UBASH3A: variants seen among roughly 807,000 people sequenced by gnomAD.
UBASH3A encodes the protein ubiquitin-associated and SH3 domain-containing protein A.
Under a neutral mutation model 73.5 loss-of-function variants are expected in UBASH3A, and 63 were observed. That is an observed-to-expected ratio of 0.86 (90% CI 0.70 to 1.06). The LOEUF (loss-of-function observed/expected upper bound fraction) is 1.06, where lower values mean the gene tolerates loss of function less well. Ranked by LOEUF, UBASH3A falls within the 50% of genes least tolerant of loss-of-function variation. The probability of loss-of-function intolerance (pLI) is 0.00; values close to 1 mark genes in which losing one functional copy is unlikely to be tolerated. For synonymous variants in UBASH3A, 363 were observed against 351.1 expected (o/e 1.03, Z -0.38); for missense variants, 860 against 859.0 (o/e 1.00, Z -0.02).
intron 14 of UBASH3A, 144 bp from the exon 15 acceptor site, chr21:42,446,913 G>A: frequency 5.8e-6 from 5 of 859,740 alleles, no homozygotes; most frequent in Non-Finnish European, 8.9e-6. Flanking sequence ...GCAGATGTTG[G>A]TGCCATTCAA....
At chr21:42,421,800 T>C (rs2053343392) in intron 7 of UBASH3A, among the ~76,000 whole-genome samples, 1 of 152,176 alleles carries the variant, frequency 6.6e-6, no homozygotes, top group Non-Finnish European at 1.5e-5. Context: ...AAGAACGTAT[T>C]TTGAAGAGCT....
chr21:42,443,042 T>A (rs958445585), intron 12 of UBASH3A: 132 of 1,091,016 alleles, frequency 1.2e-4, no homozygotes, highest in Non-Finnish European at 1.5e-4. Flanking sequence ...TGGAGTTTAG[T>A]CAAGGAGAGA....
Position 42,446,375 on chromosome 21 carries a change from G to A in UBASH3A, c.1849-682G>A, listed in dbSNP as rs181549846. On this transcript the variant is annotated intron_variant, in intron 14 of 14. Coordinates refer to ENST00000319294, the MANE Select transcript of UBASH3A (RefSeq NM_018961.4). ...GACCCTCCCCGACCAGCCCATCACC[G>A]CCCCTCGCCCACAGCCTCTGCAAGC... 2.6e-3 allele frequency among the ~76,000 whole-genome samples: 401 copies of A among 152,244 alleles called. 12 individuals carry two copies. The highest frequency in any genetic ancestry group is 4.9e-4 in the Non-Finnish European group (33 of 68,012).
intron 10 of UBASH3A, among the ~76,000 whole-genome samples, chr21:42,436,793 T>C (rs946170281): frequency 6.6e-6 from 1 of 151,920 alleles, no homozygotes; most frequent in African/African-American, 2.4e-5. Flanking sequence ...AAAGGCAGAG[T>C]ACAGGCTTTT....
At chr21:42,426,936 C>G (rs538629550) in intron 8 of UBASH3A, 116 bp downstream of exon 8, 1 of 1,348,626 alleles carries the variant, frequency 7.4e-7, no homozygotes, top group South Asian at 1.4e-5. Context: ...ACACATCCTC[C>G]CTGCCCTAGA....
In UBASH3A at chr21:42,426,795, G is replaced by A. The variant is rs2053444119; in HGVS notation, c.1145G>A (p.Ser382Asn). The A allele has an allele frequency of 6.2e-7, 1 of 1,614,082 alleles. No individual in the cohort carries two copies. Among genetic ancestry groups the A allele is most frequent in the Admixed American group, 1.7e-5 (1 of 60,006 alleles). Reference sequence around the variant, plus strand: ...GAATTTCTTCCACAAACGGCAAGGAGTCTTAGCAGCTTACAGGCCTTGCAG... The same window carrying A: ...GAATTTCTTCCACAAACGGCAAGGAATCTTAGCAGCTTACAGGCCTTGCAG... ...SGEFLPQTAR[S>N]LSSLQALQAT... is the part of the protein sequence containing the mutation. The change falls in exon 8 of 15, where the codon AGT becomes AAT. Residue 382 changes from serine (S) to asparagine (N), a missense_variant. Ser to Asn is a conservative substitution (Grantham distance 46). Transcript: ENST00000319294.
chr21:42,442,932 G>A (rs1310162662), intron 12 of UBASH3A, among the ~76,000 whole-genome samples: 1 of 152,200 alleles, frequency 6.6e-6, no homozygotes, highest in Non-Finnish European at 1.5e-5. Flanking sequence ...TTGATCAGAT[G>A]TCGAAGGTAG....
chr21:42,428,404 C>T (rs930288409), intron 8 of UBASH3A, among the ~76,000 whole-genome samples: 3 of 152,014 alleles, frequency 2.0e-5, no homozygotes, highest in East Asian at 1.9e-4. Context: ...TGAGAAATGG[C>T]GATCAGCGTT....
intron 3 of UBASH3A, among the ~76,000 whole-genome samples, chr21:42,411,133 A>C (rs1230627185): frequency 6.6e-6 from 1 of 151,788 alleles, no homozygotes; most frequent in East Asian, 1.9e-4. Flanking sequence ...AGAGACGTAC[A>C]CAGCACACAC....
At chr21:42,428,630 T>C (rs78124912) in intron 8 of UBASH3A, among the ~76,000 whole-genome samples, 2,298 of 152,152 alleles carry the variant, frequency 0.015, 65 homozygotes, top group African/African-American at 0.052. Flanking sequence ...AATCTCATTT[T>C]TAAAAAATAC....
intron 10 of UBASH3A, 125 bp from the exon 11 acceptor site, chr21:42,437,361 TCA>T: frequency 1.3e-6 from 1 of 748,012 alleles, no homozygotes; most frequent in Non-Finnish European, 2.3e-6. Flanking sequence ...GCAGGGTGTG[TCA>T]CACCAGGGGG....
chr21:42,447,125 A>C lies in UBASH3A; in HGVS notation c.1917A>C (p.Pro639=). The C allele has an allele frequency of 6.2e-7, 1 of 1,614,116 alleles. No homozygotes were observed. The highest frequency in any genetic ancestry group is 2.2e-5 in the East Asian group (1 of 44,878). ...AAGGAAAATGGGAGTTGGTGAACCCACCGGTGAAGACCCTGACCCACGGGG... is the reference window on the plus strand; with the variant it reads ...AAGGAAAATGGGAGTTGGTGAACCCCCCGGTGAAGACCCTGACCCACGGGG... ...KEEGKWELVN[P]PVKTLTHGAN... is the part of the protein sequence containing the mutation. Residue 639 remains proline, a synonymous_variant, in exon 15 of 15, where the codon CCA becomes CCC. Coordinates refer to ENST00000319294, the MANE Select transcript of UBASH3A (RefSeq NM_018961.4).
intron 8 of UBASH3A, among the ~76,000 whole-genome samples, chr21:42,427,252 T>A (rs1052598146): frequency 6.6e-6 from 1 of 152,154 alleles, no homozygotes; most frequent in Admixed American, 6.5e-5. Flanking sequence ...GCCACCCTCA[T>A]GGGGCACATC....
chr21:42,404,005 C>T lies in UBASH3A; in HGVS notation c.60C>T (p.Ser20=), dbSNP rs777187996. ...TCTCCAACAAGCTCAAGAGCCGCAG[C>T]AGCCCCTCGCTCCTGGAGCCCCTCC... The part of the protein sequence containing the change: ...AKVSNKLKSR[S]SPSLLEPLLA... The change falls in exon 1 of 15, where the codon AGC becomes AGT. Residue 20 remains serine, a synonymous_variant. Transcript: ENST00000319294. 6.5e-7 allele frequency: 1 copy of T among 1,529,108 alleles called. No individual in the cohort carries two copies. Among genetic ancestry groups the T allele is most frequent in the East Asian group, 2.6e-5 (1 of 39,196 alleles). The allele number at this position is 1,529,108 out of a possible 1,614,324, so 94.7% of individuals were successfully genotyped here. A position where few individuals can be genotyped will look rare whatever the true frequency, so the allele number is the denominator to read the frequency against.
At chr21:42,416,806 A>G (rs1320329892) in intron 6 of UBASH3A, among the ~76,000 whole-genome samples, 195 bp downstream of exon 6, 2 of 152,132 alleles carry the variant, frequency 1.3e-5, no homozygotes, top group Non-Finnish European at 2.9e-5. Flanking sequence ...GGCGGCGGGC[A>G]CCTGTAGTCC....
At chr21:42,423,832 T>G (rs993854141) in intron 7 of UBASH3A, among the ~76,000 whole-genome samples, 5 of 152,168 alleles carry the variant, frequency 3.3e-5, no homozygotes, top group Non-Finnish European at 5.9e-5. Flanking sequence ...TGCTGTGGGT[T>G]GTCTGATTGG....
rs1186550827 is a variant in UBASH3A at position 42,413,911 on chromosome 21, G to A, written c.667+388G>A. Among the ~76,000 whole-genome samples, 2 of 152,178 alleles carry A rather than the reference G, an allele frequency of 1.3e-5. No individual in the cohort carries two copies. Among genetic ancestry groups the A allele is most frequent in the African/African-American group, 4.8e-5 (2 of 41,434 alleles). On this transcript the variant is annotated intron_variant, in intron 5 of 14. Coordinates refer to ENST00000319294, the MANE Select transcript of UBASH3A (RefSeq NM_018961.4). The surrounding 1 kb of genome is among the most constrained non-coding windows in gnomAD (Gnocchi z 4.5). ...GCCTGGAGACCAAGGCTACCATTGG[G>A]GTTTAGTGGAAAGGATTGTGGACTT... is the stretch of plus-strand genomic sequence containing the variant.
rs2053765388 is a variant in UBASH3A, at chr21:42,442,509, C to T, written c.1544C>T (p.Thr515Ile). The T allele has an allele frequency of 6.2e-7, 1 of 1,614,008 alleles. No individual in the cohort carries two copies. The highest frequency in any genetic ancestry group is 8.5e-7 in the Non-Finnish European group (1 of 1,179,998). Reference protein sequence around the residue: ...IRVEPGIFEWTKWEAGKTTPT... With the variant: ...IRVEPGIFEWIKWEAGKTTPT... Reference sequence around the variant, plus strand: ...GTGGAACCTGGAATCTTTGAATGGACAAAATGGGAAGCTGGCAAAACCACC... The same window carrying T: ...GTGGAACCTGGAATCTTTGAATGGATAAAATGGGAAGCTGGCAAAACCACC... The change falls in exon 12 of 15, where the codon ACA becomes ATA. Residue 515 changes from threonine to isoleucine, a missense_variant. Coordinates refer to ENST00000319294, the MANE Select transcript of UBASH3A (RefSeq NM_018961.4).
chr21:42,418,528 CACAGCGG>C lies in UBASH3A; in HGVS notation c.968_974del (p.Gln323ArgfsTer22). 1.9e-6 allele frequency: 3 copies of C among 1,614,186 alleles called. No homozygotes were observed. Among genetic ancestry groups the C allele is most frequent in the Non-Finnish European group, 2.5e-6 (3 of 1,180,020 alleles). On this transcript the variant is annotated frameshift_variant, in exon 7 of 15. Transcript: ENST00000319294. LOFTEE classifies it high-confidence loss of function. Reference sequence around the variant, plus strand: ...AGCGAGGGCTGGGTGATTGGGATCTCACAGCGGACGGGCTGCCGGGGCTTCCTGCCGG... The same window carrying C: ...AGCGAGGGCTGGGTGATTGGGATCTCACGGGCTGCCGGGGCTTCCTGCCGG...
Sources: allele counts gnomAD v4.1 joint callset (sites outside exome capture counted in the v4.1 genomes callset), GRCh38; gene constraint gnomAD v4.1.1; non-coding constraint Gnocchi (gnomAD v3.1); transcripts MANE v1.5; gene names NCBI Gene and HGNC (gene_info 2026-07-23, HGNC 2026-07-21).